CYP4B1: variants seen among roughly 807,000 people sequenced by gnomAD.
CYP4B1 encodes cytochrome P450 family 4 subfamily B member 1.
Under a neutral mutation model 54.0 loss-of-function variants are expected in CYP4B1, and 45 were observed. The ratio of observed to expected loss-of-function variants is 0.83; its 90% CI spans 0.66 to 1.07. The LOEUF is 1.07. Among genes scored for constraint, CYP4B1 ranks in the 50% least tolerant of loss-of-function variants. The pLI is 0.00. For missense variants in CYP4B1, 656 were observed against 655.4 expected, an observed-to-expected ratio of 1.00 and a Z score of -0.01; for synonymous variants, 248 against 247.5, an observed-to-expected ratio of 1.00 and a Z score of -0.02.
chr1:46,817,300 G>C, intron 9 of CYP4B1, 119 bp downstream of exon 9: 5 of 1,229,400 alleles, frequency 4.1e-6, no homozygotes, highest in Non-Finnish European at 4.5e-6. Context: ...CGTTCAGAGA[G>C]CCCTGGGTCT....
At chr1:46,803,683 G>A (rs907230228) in intron 1 of CYP4B1, among the ~76,000 whole-genome samples, 5 of 152,172 alleles carry the variant, frequency 3.3e-5, no homozygotes, top group African/African-American at 1.2e-4. Flanking sequence ...GAATTCCGTG[G>A]CAGAGTCTCC....
intron 8 of CYP4B1, 150 bp from the exon 9 acceptor site, chr1:46,816,898 C>A: frequency 2.3e-6 from 2 of 851,992 alleles, no homozygotes; most frequent in Non-Finnish European, 3.8e-6. Flanking sequence ...CCATGTCAGG[C>A]CTAGCCTGGC....
At chr1:46,800,908 C>G (rs1678631388) in intron 1 of CYP4B1, among the ~76,000 whole-genome samples, 1 of 152,148 alleles carries the variant, frequency 6.6e-6, no homozygotes, top group South Asian at 2.1e-4. Context: ...GACACCAGAG[C>G]CTTGCTCCCG....
intron 8 of CYP4B1, among the ~76,000 whole-genome samples, chr1:46,816,002 A>T (rs1344500637): frequency 6.6e-6 from 1 of 151,970 alleles, no homozygotes; most frequent in East Asian, 1.9e-4. Context: ...CCAGAGGGGG[A>T]ACTTTAGATC....
rs1679277026 is a variant in CYP4B1, at chr1:46,815,069, C to T, written c.883-5C>T. Reference sequence around the variant, plus strand: ...AGCTGTCCTATTATGCCTTCCCTAACCCAGGATGAAGATGACATCAAACTG... The same window carrying T: ...AGCTGTCCTATTATGCCTTCCCTAATCCAGGATGAAGATGACATCAAACTG... On this transcript the variant is annotated splice_polypyrimidine_tract_variant and splice_region_variant and intron_variant, in intron 7 of 11. Transcript: ENST00000371923. 6.2e-7 allele frequency: 1 copy of T among 1,610,194 alleles called. No individual in the cohort carries two copies.
chr1:46,813,397 G>A (rs1344994345), intron 4 of CYP4B1, 85 bp from the exon 5 acceptor site: 10 of 1,553,206 alleles, frequency 6.4e-6, no homozygotes, highest in South Asian at 1.1e-5. Flanking sequence ...GATAGGCTAC[G>A]GGTCCTGGAG....
chr1:46,804,918 C>T (rs184157152), intron 1 of CYP4B1, among the ~76,000 whole-genome samples: 5 of 152,310 alleles, frequency 3.3e-5, no homozygotes, highest in Admixed American at 6.5e-5. Flanking sequence ...CTGCCCCTTA[C>T]TCTGCTTTTT....
chr1:46,813,173 G>A (rs1679181422), intron 4 of CYP4B1, among the ~76,000 whole-genome samples: 1 of 152,152 alleles, frequency 6.6e-6, no homozygotes, highest in African/African-American at 2.4e-5. Flanking sequence ...CACCATGCGG[G>A]GGAGCTCACC....
At chr1:46,813,853 TGG>T in intron 5 of CYP4B1, 54 bp from the exon 6 acceptor site, 6 of 1,592,498 alleles carry the variant, frequency 3.8e-6, no homozygotes, top group Non-Finnish European at 5.1e-6. Context: ...GGAGTTTCTC[TGG>T]CTCTGCTCCT....
chr1:46,813,866 G>A, intron 5 of CYP4B1, 43 bp from the exon 6 acceptor site: 1 of 1,605,526 alleles, frequency 6.2e-7, no homozygotes, highest in Non-Finnish European at 8.5e-7. Context: ...CTCTGCTCCT[G>A]GGCCAGTGTC....
intron 1 of CYP4B1, among the ~76,000 whole-genome samples, chr1:46,808,387 G>A (rs1359581359): frequency 6.6e-6 from 1 of 151,716 alleles, no homozygotes; most frequent in East Asian, 1.9e-4. Flanking sequence ...GCATTTCTCT[G>A]ATGGCCAGTG....
intron 1 of CYP4B1, among the ~76,000 whole-genome samples, chr1:46,805,378 G>C (rs548117075): frequency 1.0e-3 from 159 of 152,360 alleles, no homozygotes; most frequent in African/African-American, 3.8e-3. Flanking sequence ...GTGTGACTTT[G>C]GGCAAAGCCC....
rs778569400 is a variant in CYP4B1 at position 46,815,209 on chromosome 1, C to G, written c.1018C>G (p.His340Asp). Reference protein sequence around the residue: ...YCMALYPEHQHRCREEVREIL... With the variant: ...YCMALYPEHQDRCREEVREIL... ...CATGGCCCTGTACCCTGAGCACCAG[C>G]ATCGTTGTAGAGAGGAGGTCCGCGA... Residue 340 changes from histidine to aspartate, a missense_variant, in exon 8 of 12, where the codon CAT becomes GAT. Physicochemically the swap from His to Asp is moderately conservative, Grantham distance 81. Coordinates refer to ENST00000371923, the MANE Select transcript of CYP4B1 (RefSeq NM_001099772.2). 6.2e-7 allele frequency: 1 copy of G among 1,605,990 alleles called. No individual in the cohort carries two copies. Among genetic ancestry groups the G allele is most frequent in the African/African-American group, 1.3e-5 (1 of 74,670 alleles).
intron 1 of CYP4B1, among the ~76,000 whole-genome samples, chr1:46,809,781 T>C (rs1679023390): frequency 2.0e-5 from 3 of 152,246 alleles, no homozygotes; most frequent in Non-Finnish European, 4.4e-5. Context: ...AAATACATTA[T>C]GGTACATCCT....
chr1:46,803,779 G>A (rs765002457), intron 1 of CYP4B1, among the ~76,000 whole-genome samples: 14 of 152,114 alleles, frequency 9.2e-5, no homozygotes, highest in Non-Finnish European at 1.9e-4. Context: ...CAGGGAGGAG[G>A]GGCTGCCTCC....
At chr1:46,806,973 C>G (rs922119335) in intron 1 of CYP4B1, 6 of 152,210 alleles carry the variant, frequency 3.9e-5, no homozygotes, top group African/African-American at 1.4e-4. Flanking sequence ...TGAGGGGCTG[C>G]AGCTGCAATA....
At chr1:46,811,313 C>T (rs1303654642) in intron 3 of CYP4B1, 129 bp downstream of exon 3, 1 of 918,164 alleles carries the variant, frequency 1.1e-6, no homozygotes, top group Admixed American at 1.9e-5. Context: ...ATCCTAAGCT[C>T]AGCTGCTCAG....
At chr1:46,817,245 C>T in intron 9 of CYP4B1, 64 bp downstream of exon 9, 1 of 1,598,130 alleles carries the variant, frequency 6.3e-7, no homozygotes. Context: ...ACCCTCTGTG[C>T]CTTTAGTCAA....
Position 46,812,593 on chromosome 1 carries a change from C to T in CYP4B1, c.465C>T (p.Ala155=), listed in dbSNP as rs141014956. The T allele has an allele frequency of 3.1e-5, 50 of 1,613,964 alleles. 1 individual carries two copies. The highest frequency in any genetic ancestry group is 2.1e-4 in the African/African-American group (16 of 74,996). Residue 155 remains alanine, a synonymous_variant, in exon 4 of 12, where the codon GCC becomes GCT. Transcript: ENST00000371923. ...FHYDVLKPYV[A]VFTESTRIML... is the part of the protein sequence containing the mutation. Reference sequence around the variant, plus strand: ...ATGATGTGCTGAAGCCCTATGTGGCCGTGTTCACTGAGTCTACACGTATCA... The same window carrying T: ...ATGATGTGCTGAAGCCCTATGTGGCTGTGTTCACTGAGTCTACACGTATCA...
Sources: gnomAD v4.1 joint callset for allele counts (sites outside exome capture counted in the v4.1 genomes callset) on GRCh38, gnomAD v4.1.1 for gene constraint, MANE v1.5 for transcripts, NCBI Gene and HGNC (gene_info 2026-07-23, HGNC 2026-07-21) for gene names.